EPB41L4A: variants seen among roughly 807,000 people sequenced by gnomAD.
EPB41L4A encodes the protein erythrocyte membrane protein band 4.1 like 4A, also known as band 4.1-like protein 4A.
EPB41L4A carries 100 observed loss-of-function variants against 108.6 expected under a neutral mutation model. That is an observed-to-expected ratio of 0.92 (90% CI 0.78 to 1.09). The LOEUF is 1.09. Among genes scored for constraint, EPB41L4A ranks in the 50% least tolerant of loss-of-function variants. EPB41L4A has a pLI of 0.00. For synonymous variants in EPB41L4A, 319 were observed against 289.0 expected (o/e 1.10, Z -1.05); for missense variants, 1,030 against 842.7 (o/e 1.22, Z -2.75).
chr5:112,395,182 T>A (rs926889596), intron 1 of EPB41L4A, among the ~76,000 whole-genome samples: 2 of 152,170 alleles, frequency 1.3e-5, no homozygotes, highest in African/African-American at 4.8e-5. Context: ...GACATAGGCA[T>A]GGGCAAGGAT....
intron 13 of EPB41L4A, among the ~76,000 whole-genome samples, chr5:112,207,636 A>G (rs1049827338): frequency 2.9e-5 from 4 of 136,178 alleles, no homozygotes; most frequent in African/African-American, 1.3e-4. Context: ...ACTTTTCCAA[A>G]GAAGACATAC....
chr5:112,361,161 T>C (rs1426663371), intron 1 of EPB41L4A, among the ~76,000 whole-genome samples: 1 of 152,212 alleles, frequency 6.6e-6, no homozygotes, highest in Non-Finnish European at 1.5e-5. Context: ...AGACTCCATT[T>C]TGTTCTGTAC....
In EPB41L4A at chr5:112,252,181, T is replaced by C. The variant is rs114436224; in HGVS notation, c.795+7048A>G. Among the ~76,000 whole-genome samples, 866 of 152,288 alleles carry C rather than the reference T, an allele frequency of 5.7e-3. 6 individuals are homozygous for C. The highest frequency in any genetic ancestry group is 0.02 in the Middle Eastern group (6 of 294). On this transcript the variant is annotated intron_variant, in intron 9 of 22. Coordinates refer to ENST00000261486, the MANE Select transcript of EPB41L4A (RefSeq NM_022140.5). ...CTGGAAGTATGCTGTGAACTCCTGA[T>C]TTCTAAGCTATGTATCAATATGTGT...
At chr5:112,319,661 C>G (rs1247713409) in intron 1 of EPB41L4A, among the ~76,000 whole-genome samples, 3 of 152,182 alleles carry the variant, frequency 2.0e-5, no homozygotes, top group Non-Finnish European at 2.9e-5. Context: ...CTGGCCTATT[C>G]TCTTCAAAAA....
chr5:112,269,573 T>C (rs1212753159), intron 4 of EPB41L4A, among the ~76,000 whole-genome samples: 2 of 152,164 alleles, frequency 1.3e-5, no homozygotes, highest in Admixed American at 6.6e-5. Flanking sequence ...TCCTCATTTA[T>C]CTCTGGTTTT....
intron 1 of EPB41L4A, among the ~76,000 whole-genome samples, chr5:112,317,245 AAAAG>A (rs1462898618): frequency 3.3e-5 from 5 of 152,236 alleles, no homozygotes; most frequent in African/African-American, 1.2e-4. Flanking sequence ...AAATTAGAGC[AAAAG>A]AAAGAATGAC....
chr5:112,175,033 C>T lies in EPB41L4A; in HGVS notation c.1623-4041G>A, dbSNP rs540450679. Among the ~76,000 whole-genome samples, 12 of 152,258 alleles carry T rather than the reference C, an allele frequency of 7.9e-5. No individual in the cohort carries two copies. In the South Asian group the frequency reaches 2.3e-3, roughly 29 times the overall value. Reference sequence around the variant, plus strand: ...CTGAAGATCGCTCAGGAGGCACTTCCGGGTTGGGGGTGGGGGTTCATGTTA... The same window carrying T: ...CTGAAGATCGCTCAGGAGGCACTTCTGGGTTGGGGGTGGGGGTTCATGTTA... On this transcript the variant is annotated intron_variant, in intron 18 of 22. Coordinates refer to ENST00000261486, the MANE Select transcript of EPB41L4A (RefSeq NM_022140.5).
At chr5:112,182,913 T>C (rs983526898) in intron 18 of EPB41L4A, among the ~76,000 whole-genome samples, 1 of 152,204 alleles carries the variant, frequency 6.6e-6, no homozygotes, top group Non-Finnish European at 1.5e-5. Context: ...GAGTAATTAA[T>C]ACATCTGTAA....
At chr5:112,333,909 G>C (rs971775082) in intron 1 of EPB41L4A, among the ~76,000 whole-genome samples, 1 of 152,182 alleles carries the variant, frequency 6.6e-6, no homozygotes, top group Non-Finnish European at 1.5e-5. Flanking sequence ...AAGGACTGCA[G>C]TATACTATCA....
At chr5:112,328,612 G>C (rs1756345200) in intron 1 of EPB41L4A, among the ~76,000 whole-genome samples, 2 of 152,144 alleles carry the variant, frequency 1.3e-5, no homozygotes, top group South Asian at 4.1e-4. Context: ...TCTTCATCAA[G>C]CTCACTGATT....
At chr5:112,240,584 CAG>C in intron 10 of EPB41L4A, 133 bp downstream of exon 10, 1 of 569,068 alleles carries the variant, frequency 1.8e-6, no homozygotes, top group South Asian at 2.5e-5. Context: ...TAATATAATC[CAG>C]AGAATTAGGA....
chr5:112,398,258 T>C (rs1158606622), intron 1 of EPB41L4A, among the ~76,000 whole-genome samples: 1 of 152,218 alleles, frequency 6.6e-6, no homozygotes, highest in Non-Finnish European at 1.5e-5. Context: ...ATTTTTTCTT[T>C]TTTAGGATTT....
chr5:112,265,959 A>G (rs1300728154), intron 5 of EPB41L4A, among the ~76,000 whole-genome samples: 1 of 152,212 alleles, frequency 6.6e-6, no homozygotes, highest in Non-Finnish European at 1.5e-5. Context: ...TGAGATGTAG[A>G]TAGAACAGAT....
chr5:112,219,651 T>G (rs1008886100), intron 12 of EPB41L4A, among the ~76,000 whole-genome samples: 1 of 152,212 alleles, frequency 6.6e-6, no homozygotes, highest in African/African-American at 2.4e-5. Flanking sequence ...TAGTACACCA[T>G]ACTAATGCTG....
intron 12 of EPB41L4A, among the ~76,000 whole-genome samples, chr5:112,229,321 C>G (rs1748698207): frequency 6.6e-6 from 1 of 152,174 alleles, no homozygotes; most frequent in Non-Finnish European, 1.5e-5. Flanking sequence ...CCTGCAAAGT[C>G]TAAAATATTC....
intron 15 of EPB41L4A, among the ~76,000 whole-genome samples, chr5:112,200,588 T>C (rs946965440): frequency 4.6e-5 from 7 of 152,200 alleles, no homozygotes; most frequent in Non-Finnish European, 8.8e-5. Flanking sequence ...CTGCATGGCA[T>C]ACAACAGGCA....
chr5:112,352,522 G>A (rs1203971006), intron 1 of EPB41L4A, among the ~76,000 whole-genome samples: 1 of 152,128 alleles, frequency 6.6e-6, no homozygotes, highest in Non-Finnish European at 1.5e-5. Context: ...TTTTGTTCAG[G>A]ATAGACTATA....
chr5:112,327,414 G>A (rs1756244983), intron 1 of EPB41L4A, among the ~76,000 whole-genome samples: 1 of 152,132 alleles, frequency 6.6e-6, no homozygotes, highest in Admixed American at 6.5e-5. Context: ...TGTTTCTCTT[G>A]TGGTAAGAAT....
intron 2 of EPB41L4A, among the ~76,000 whole-genome samples, chr5:112,288,195 G>A (rs549809872): frequency 4.0e-4 from 61 of 152,190 alleles, no homozygotes; most frequent in Non-Finnish European, 4.4e-4. Context: ...TAATCTTAAC[G>A]GCACCGTGTC....
Sources: gnomAD v4.1 joint callset for allele counts (sites outside exome capture counted in the v4.1 genomes callset) on GRCh38, gnomAD v4.1.1 for gene constraint, MANE v1.5 for transcripts, NCBI Gene and HGNC (gene_info 2026-07-23, HGNC 2026-07-21) for gene names.